Variants in GRIK2 observed in about 807,000 individuals in gnomAD.
GRIK2 encodes the protein glutamate receptor ionotropic, kainate 2.
In GRIK2, 32 loss-of-function variants were observed where a neutral mutation model predicts 100.3. The ratio of observed to expected loss-of-function variants is 0.32; its 90% CI spans 0.24 to 0.43. The LOEUF (loss-of-function observed/expected upper bound fraction) is 0.43, where lower values mean the gene tolerates loss of function less well. Ranked by LOEUF, GRIK2 falls within the 20% of genes least tolerant of loss-of-function variation. GRIK2 has a pLI of 1.00. For synonymous variants in GRIK2, 417 were observed against 389.4 expected, an observed-to-expected ratio of 1.07 and a Z score of -0.83; for missense variants, 843 against 1,114.9, an observed-to-expected ratio of 0.76 and a Z score of 3.47.
At chr6:101,629,511 A>T (rs1009942495) in intron 4 of GRIK2, among the ~76,000 whole-genome samples, 1 of 152,142 alleles carries the variant, frequency 6.6e-6, no homozygotes, top group Non-Finnish European at 1.5e-5. Context: ...GTAATAACTC[A>T]TATTTTTAAT....
At chr6:101,755,284 A>G (rs1777066510) in intron 7 of GRIK2, among the ~76,000 whole-genome samples, 1 of 146,426 alleles carries the variant, frequency 6.8e-6, no homozygotes, top group African/African-American at 2.6e-5. Flanking sequence ...CTCCTGCATC[A>G]GCCTCCCGAG....
chr6:101,991,645 G>C (rs1303445968), intron 14 of GRIK2, among the ~76,000 whole-genome samples: 2 of 151,166 alleles, frequency 1.3e-5, no homozygotes, highest in African/African-American at 4.8e-5. Context: ...TTAATTCAAT[G>C]CCTAATCTAT....
At chr6:101,888,709 A>T (rs1786835041) in intron 11 of GRIK2, among the ~76,000 whole-genome samples, 1 of 152,146 alleles carries the variant, frequency 6.6e-6, no homozygotes, top group Non-Finnish European at 1.5e-5. Context: ...AGACAAGAAA[A>T]CATGGAGGGA....
intron 11 of GRIK2, among the ~76,000 whole-genome samples, chr6:101,876,838 G>A (rs1785884865): frequency 6.6e-6 from 1 of 151,910 alleles, no homozygotes; most frequent in East Asian, 1.9e-4. Context: ...CTTGTGGCCA[G>A]TATTTTTAGG....
chr6:101,842,549 G>C (rs1783578641), intron 10 of GRIK2, among the ~76,000 whole-genome samples: 1 of 152,126 alleles, frequency 6.6e-6, no homozygotes. Context: ...AGGTGCTTGA[G>C]AGAAGCAACT....
intron 2 of GRIK2, among the ~76,000 whole-genome samples, chr6:101,594,879 T>C (rs927225987): frequency 2.0e-5 from 3 of 151,652 alleles, no homozygotes; most frequent in African/African-American, 7.3e-5. Flanking sequence ...TTTGTGTTTT[T>C]TTCTCTTTTT....
At chr6:101,475,572 T>C (rs1236988484) in intron 2 of GRIK2, among the ~76,000 whole-genome samples, 7 of 152,010 alleles carry the variant, frequency 4.6e-5, no homozygotes, top group East Asian at 1.9e-4. Flanking sequence ...TCTGTTTTTT[T>C]GTGTGTGTCT....
intron 7 of GRIK2, among the ~76,000 whole-genome samples, chr6:101,704,245 A>G (rs1453004923): frequency 1.3e-5 from 2 of 151,874 alleles, no homozygotes; most frequent in African/African-American, 4.8e-5. Flanking sequence ...AAGAGTTGCC[A>G]GTATTTATAA....
At chr6:101,931,083 T>G (rs1243905208) in intron 14 of GRIK2, among the ~76,000 whole-genome samples, 1 of 152,122 alleles carries the variant, frequency 6.6e-6, no homozygotes, top group African/African-American at 2.4e-5. Flanking sequence ...AAGACTACAT[T>G]AAATGTTGAT....
intron 16 of GRIK2, among the ~76,000 whole-genome samples, chr6:102,064,411 C>CT (rs1314509720): frequency 2.0e-4 from 18 of 91,978 alleles, no homozygotes; most frequent in Admixed American, 8.0e-4. Context: ...CTCTCCCTCC[C>CT]TCCTTTCTTT....
chr6:101,857,012 C>T, intron 10 of GRIK2, among the ~76,000 whole-genome samples: 1 of 152,064 alleles, frequency 6.6e-6, no homozygotes, highest in East Asian at 1.9e-4. Context: ...CTTAATAAAA[C>T]TTTTGAACCA....
At chr6:101,832,875 T>A (rs1582331332) in intron 10 of GRIK2, among the ~76,000 whole-genome samples, 1 of 152,202 alleles carries the variant, frequency 6.6e-6, no homozygotes, top group Non-Finnish European at 1.5e-5. Context: ...TCCTCATTAC[T>A]ACTGTGAAAT....
chr6:101,801,451 TATC>T (rs768328669), intron 8 of GRIK2, among the ~76,000 whole-genome samples: 7 of 152,032 alleles, frequency 4.6e-5, no homozygotes, highest in African/African-American at 9.7e-5. Context: ...AGTATCCAAA[TATC>T]ATATGGAGCC....
intron 14 of GRIK2, among the ~76,000 whole-genome samples, chr6:102,027,890 A>G (rs1769786118): frequency 6.6e-6 from 1 of 150,504 alleles, no homozygotes; most frequent in Non-Finnish European, 1.5e-5. Flanking sequence ...GCTCCCAGTA[A>G]AAGAAAAGAA....
intron 2 of GRIK2, among the ~76,000 whole-genome samples, chr6:101,584,628 A>T (rs1260984755): frequency 1.3e-5 from 2 of 152,044 alleles, no homozygotes; most frequent in East Asian, 1.9e-4. Flanking sequence ...CAAAGTTGTT[A>T]CTAGCTCCTT....
chr6:101,691,832 T>C (rs917508855), intron 7 of GRIK2, among the ~76,000 whole-genome samples: 2 of 152,014 alleles, frequency 1.3e-5, no homozygotes, highest in Non-Finnish European at 2.9e-5. Flanking sequence ...TATATACATC[T>C]TACAGCAGGA....
chr6:101,860,301 G>C (rs1388084472), intron 11 of GRIK2, among the ~76,000 whole-genome samples: 1 of 151,962 alleles, frequency 6.6e-6, no homozygotes, highest in Non-Finnish European at 1.5e-5. Context: ...GTCTCTGGTT[G>C]GAAGCCAAAA....
chr6:101,933,612 G>A (rs982157223), intron 14 of GRIK2, among the ~76,000 whole-genome samples: 1 of 151,858 alleles, frequency 6.6e-6, no homozygotes, highest in Admixed American at 6.6e-5. Context: ...TGCTATGTGT[G>A]CCCTAAATCA....
intron 10 of GRIK2, among the ~76,000 whole-genome samples, chr6:101,843,336 CCT>C (rs1383828089): frequency 7.2e-5 from 11 of 152,078 alleles, no homozygotes; most frequent in African/African-American, 2.4e-4. Context: ...CTTGTATCCC[CCT>C]GTCTTTCTTG....
Sources: gnomAD v4.1 joint callset for allele counts (sites outside exome capture counted in the v4.1 genomes callset) on GRCh38, gnomAD v4.1.1 for gene constraint, MANE v1.5 for transcripts, NCBI Gene and HGNC (gene_info 2026-07-23, HGNC 2026-07-21) for gene names.